The following PDE3B variants were observed in gnomAD, a reference collection of about 807,000 sequenced individuals.
PDE3B encodes phosphodiesterase 3B.
In PDE3B, 66 loss-of-function variants were observed where a neutral mutation model predicts 116.8. The observed-to-expected ratio is 0.56, with a 90% CI of 0.46 to 0.69. PDE3B has a LOEUF of 0.69. Ranked by LOEUF, PDE3B falls within the 30% of genes least tolerant of loss-of-function variation. PDE3B has a pLI of 0.00. For synonymous variants in PDE3B, 595 were observed against 533.6 expected (o/e 1.12, Z -1.59); for missense variants, 1,384 against 1,368.1 (o/e 1.01, Z -0.18).
chr11:14,838,154 T>C (rs1303662405), intron 11 of PDE3B, among the ~76,000 whole-genome samples: 1 of 151,982 alleles, frequency 6.6e-6, no homozygotes, highest in Non-Finnish European at 1.5e-5. Context: ...TAATTTTTTG[T>C]ATTTTTAGTG....
At chr11:14,668,941 C>G (rs1397855223) in intron 1 of PDE3B, among the ~76,000 whole-genome samples, 1 of 152,102 alleles carries the variant, frequency 6.6e-6, no homozygotes, top group Non-Finnish European at 1.5e-5. Context: ...CTTGCACAAG[C>G]CTCCCTGCTC....
intron 4 of PDE3B, among the ~76,000 whole-genome samples, chr11:14,792,143 C>T (rs1858407950): frequency 6.6e-6 from 1 of 151,924 alleles, no homozygotes; most frequent in Admixed American, 6.6e-5. Flanking sequence ...AATGTGAAAC[C>T]CAATTATTAC....
chr11:14,746,125 C>T (rs1856903564), intron 1 of PDE3B, among the ~76,000 whole-genome samples: 1 of 152,212 alleles, frequency 6.6e-6, no homozygotes, highest in Non-Finnish European at 1.5e-5. Context: ...GGTGCCACCG[C>T]ACTCATGCCT....
chr11:14,707,094 C>T (rs1348820380), intron 1 of PDE3B, among the ~76,000 whole-genome samples: 1 of 151,774 alleles, frequency 6.6e-6, no homozygotes, highest in East Asian at 1.9e-4. Context: ...AACAAGATAA[C>T]TTCAGATAGT....
chr11:14,666,381 T>A (rs1854151460), intron 1 of PDE3B, among the ~76,000 whole-genome samples: 1 of 151,736 alleles, frequency 6.6e-6, no homozygotes. Context: ...GGGCAAGGAC[T>A]TCATGTCTAA....
chr11:14,799,757 C>CTT (rs60506229), intron 4 of PDE3B, among the ~76,000 whole-genome samples: 6 of 108,014 alleles, frequency 5.6e-5, no homozygotes, highest in East Asian at 2.7e-4. Context: ...CAACTCCTGC[C>CTT]TTTTTTTTTT....
At chr11:14,878,405 A>G in the PDE3B span, 2 of 1,053,120 alleles carry the variant, frequency 1.9e-6, no homozygotes, top group African/African-American at 3.2e-5. Context: ...AAACAAAGAA[A>G]GAGGGAACTA....
intron 14 of PDE3B, among the ~76,000 whole-genome samples, chr11:14,864,246 A>G (rs1667507921): frequency 6.6e-6 from 1 of 152,202 alleles, no homozygotes. Flanking sequence ...ATGCATCAAG[A>G]ACAGCTAACT....
chr11:14,653,422 T>G (rs1853620571), intron 1 of PDE3B, among the ~76,000 whole-genome samples: 1 of 151,802 alleles, frequency 6.6e-6, no homozygotes. Context: ...AATAAGAACC[T>G]AAGAAAAAGT....
intron 1 of PDE3B, among the ~76,000 whole-genome samples, chr11:14,770,847 C>T (rs966869552): frequency 2.6e-5 from 4 of 151,624 alleles, no homozygotes; most frequent in African/African-American, 9.7e-5. Context: ...AGTGATTAAA[C>T]ATGGGTGTAT....
chr11:14,860,235 T>C (rs992990976), intron 13 of PDE3B, among the ~76,000 whole-genome samples: 1 of 152,210 alleles, frequency 6.6e-6, no homozygotes, highest in Non-Finnish European at 1.5e-5. Flanking sequence ...TACAATACTT[T>C]GAATGTGTAT....
intron 1 of PDE3B, among the ~76,000 whole-genome samples, chr11:14,763,583 A>T (rs185873366): frequency 6.6e-6 from 1 of 152,200 alleles, no homozygotes; most frequent in East Asian, 1.9e-4. Context: ...AAAAATGATG[A>T]TGAGAGAGAG....
chr11:14,858,977 A>T, intron 12 of PDE3B, 66 bp from the exon 13 acceptor site: 1 of 1,113,900 alleles, frequency 9.0e-7, no homozygotes, highest in South Asian at 1.4e-5. Flanking sequence ...TTCCAACCTG[A>T]TATTAAAGAT....
rs1029915666 is a variant in PDE3B at position 14,645,044 on chromosome 11, C to T, written c.969C>T (p.Ser323=). 2.5e-6 allele frequency: 4 copies of T among 1,607,312 alleles called. No homozygotes were observed. The highest frequency in any genetic ancestry group is 3.3e-4 in the Middle Eastern group (2 of 6,042). Residue 323 remains serine (S), a synonymous_variant, in exon 1 of 16, where the codon TCC becomes TCT. Transcript: ENST00000282096. Reference sequence around the variant, plus strand: ...GGAGACCGTCGTTGCCTTGTATTTCCAGAGAACAGGTATGTTAGCTGGAAG... The same window carrying T: ...GGAGACCGTCGTTGCCTTGTATTTCTAGAGAACAGGTATGTTAGCTGGAAG... ...IFRRPSLPCI[S]REQMILWDWD... is the part of the protein sequence containing the mutation.
At chr11:14,712,598 C>T (rs184963322) in intron 1 of PDE3B, among the ~76,000 whole-genome samples, 270 of 151,422 alleles carry the variant, frequency 1.8e-3, no homozygotes, top group Middle Eastern at 3.4e-3. Context: ...CCTCAGCCTC[C>T]CGAGTAGCTC....
intron 1 of PDE3B, among the ~76,000 whole-genome samples, chr11:14,713,545 G>A (rs1363677925): frequency 6.6e-6 from 1 of 152,114 alleles, no homozygotes; most frequent in Admixed American, 6.5e-5. Context: ...GCCTTCAGAT[G>A]GAAACTATAC....
intron 5 of PDE3B, 50 bp downstream of exon 5, chr11:14,804,100 G>A (rs1362788984): frequency 2.3e-5 from 22 of 962,836 alleles, no homozygotes; most frequent in Non-Finnish European, 3.0e-5. Flanking sequence ...CAAAGTATAT[G>A]GTAGTGTAAA....
rs539524190 is a variant in PDE3B, at chr11:14,786,790, T to G, written c.1278+105T>G. The G allele has an allele frequency of 1.5e-4, 131 of 873,262 alleles. 1 individual carries two copies. In the African/African-American group the frequency reaches 2.0e-3, roughly 13 times the overall value. 54.1% of individuals were successfully genotyped at this position (873,262 alleles called of 1,614,324 possible). A position where few individuals can be genotyped will look rare whatever the true frequency, so the allele number is the denominator to read the frequency against. ...TAGAATACAATTTTCGTTTCAAGGA[T>G]CAGACATAATATTGAGCTGCTTGGG... On this transcript the variant is annotated intron_variant, in intron 3 of 15. Coordinates refer to ENST00000282096, the MANE Select transcript of PDE3B (RefSeq NM_000922.4).
At chr11:14,664,612 A>T (rs1854064033) in intron 1 of PDE3B, among the ~76,000 whole-genome samples, 1 of 152,198 alleles carries the variant, frequency 6.6e-6, no homozygotes, top group African/African-American at 2.4e-5. Context: ...AGAAATACAA[A>T]CTACCGTCAG....
Sources: gnomAD v4.1 joint callset for allele counts (sites outside exome capture counted in the v4.1 genomes callset) on GRCh38, gnomAD v4.1.1 for gene constraint, MANE v1.5 for transcripts, NCBI Gene and HGNC (gene_info 2026-07-23, HGNC 2026-07-21) for gene names.